Variants in RORA observed in about 807,000 individuals in gnomAD.
RORA encodes nuclear receptor ROR-alpha.
A neutral mutation model predicts 69.5 loss-of-function variants in RORA; 7 were observed. That is an observed-to-expected ratio of 0.10 (90% CI 0.06 to 0.19). RORA has a LOEUF of 0.19. Among genes scored for constraint, RORA ranks in the 10% least tolerant of loss-of-function variants. RORA has a pLI of 1.00. For missense variants in RORA, 457 were observed against 663.0 expected (o/e 0.69, Z 3.41); for synonymous variants, 261 against 240.8 (o/e 1.08, Z -0.78).
intron 1 of RORA, among the ~76,000 whole-genome samples, chr15:61,109,770 C>T (rs1471353398): frequency 1.3e-5 from 2 of 152,190 alleles, no homozygotes; most frequent in Non-Finnish European, 2.9e-5. Context: ...GTTACCTTGG[C>T]AAGTTATTTA....
intron 3 of RORA, chr15:60,528,166 C>G (rs1356856402): frequency 1.3e-5 from 2 of 152,362 alleles, no homozygotes; most frequent in African/African-American, 4.8e-5. Flanking sequence ...AGCAATCCTC[C>G]TGCTTCAGCC....
At chr15:60,929,285 C>G (rs1892306716) in intron 1 of RORA, among the ~76,000 whole-genome samples, 1 of 152,164 alleles carries the variant, frequency 6.6e-6, no homozygotes, top group African/African-American at 2.4e-5. Flanking sequence ...CCAGCCCTCC[C>G]TCCCCCTATC....
intron 1 of RORA, among the ~76,000 whole-genome samples, chr15:60,689,693 A>G (rs2070795439): frequency 6.6e-6 from 1 of 152,162 alleles, no homozygotes; most frequent in Non-Finnish European, 1.5e-5. Context: ...TTTAATTACT[A>G]CTATCTGTGT....
chr15:60,515,479 ATG>A (rs2065835377), intron 3 of RORA, among the ~76,000 whole-genome samples: 1 of 152,076 alleles, frequency 6.6e-6, no homozygotes, highest in African/African-American at 2.4e-5. Flanking sequence ...GGATACAAAG[ATG>A]TATAAGGAGC....
intron 1 of RORA, among the ~76,000 whole-genome samples, chr15:60,917,603 G>A (rs867124140): frequency 3.9e-5 from 6 of 152,202 alleles, no homozygotes; most frequent in African/African-American, 9.7e-5. Context: ...GTAGGGAAAC[G>A]TCGGCCGAGG....
Position 60,709,498 on chromosome 15 carries a change from G to C in RORA, c.167-30812C>G, listed in dbSNP as rs531987672. ...CTGTTAGGAACTGGACCGCACAGCA[G>C]GAGGTGAGCCGAGGGTGAACCAGCA... On this transcript the variant is annotated intron_variant, in intron 1 of 10. Coordinates refer to ENST00000335670, the MANE Select transcript of RORA (RefSeq NM_134261.3). Among the ~76,000 whole-genome samples the C allele has an allele frequency of 2.8e-4, 42 of 152,278 alleles. 1 individual carries two copies. The South Asian group carries it at 8.7e-3, about 32-fold the overall frequency.
intron 1 of RORA, among the ~76,000 whole-genome samples, chr15:61,045,956 C>A (rs1309591603): frequency 6.6e-6 from 1 of 152,174 alleles, no homozygotes; most frequent in Non-Finnish European, 1.5e-5. Context: ...CTGGCAGTCT[C>A]CCCCAGACAT....
intron 1 of RORA, among the ~76,000 whole-genome samples, chr15:61,032,733 T>A (rs545702724): frequency 6.6e-6 from 1 of 152,332 alleles, no homozygotes; most frequent in Non-Finnish European, 1.5e-5. Flanking sequence ...CAGCAAGAAT[T>A]ATCTTCATAC....
intron 2 of RORA, among the ~76,000 whole-genome samples, chr15:60,645,833 TC>T (rs2070032680): frequency 1.3e-5 from 2 of 151,914 alleles, no homozygotes; most frequent in Non-Finnish European, 2.9e-5. Flanking sequence ...GGGGCTGATT[TC>T]GTTATATGTT....
Position 60,655,216 on chromosome 15 carries a change from G to A in RORA, c.196+23441C>T, listed in dbSNP as rs76618753. On this transcript the variant is annotated intron_variant, in intron 2 of 10. Transcript: ENST00000335670. The stretch of plus-strand genomic sequence containing the variant: ...TTTTGAGACAGAGTCTCACTCTGTC[G>A]CCCTCATGGAAACTTTTCTGATTTA... Among the ~76,000 whole-genome samples the A allele has an allele frequency of 5.2e-3, 791 of 151,542 alleles. 9 individuals carry two copies. Among genetic ancestry groups the A allele is most frequent in the African/African-American group, 0.018 (746 of 41,314 alleles).
chr15:60,566,097 G>T (rs576171487), intron 2 of RORA, among the ~76,000 whole-genome samples: 2 of 152,304 alleles, frequency 1.3e-5, no homozygotes, highest in South Asian at 4.1e-4. Context: ...AGATTAATTG[G>T]TTAATGTCTA....
intron 1 of RORA, among the ~76,000 whole-genome samples, chr15:60,741,266 T>C (rs2071572012): frequency 6.6e-6 from 1 of 152,186 alleles, no homozygotes; most frequent in Non-Finnish European, 1.5e-5. Context: ...GAACAGTGGC[T>C]CTTGCTTAAT....
At chr15:60,684,340 T>A (rs2070705444) in intron 1 of RORA, among the ~76,000 whole-genome samples, 2 of 152,134 alleles carry the variant, frequency 1.3e-5, no homozygotes, top group African/African-American at 4.8e-5. Flanking sequence ...AACAGGCTGG[T>A]CATGGTGGCT....
intron 2 of RORA, chr15:60,558,400 A>C (rs2140413755): frequency 4.1e-4 from 302 of 731,312 alleles, no homozygotes; most frequent in Middle Eastern, 5.6e-4. Context: ...GGAACATCTC[A>C]TGACTTTTTT....
chr15:61,065,070 T>C (rs986991654), intron 1 of RORA, among the ~76,000 whole-genome samples: 14 of 152,156 alleles, frequency 9.2e-5, no homozygotes, highest in Non-Finnish European at 1.5e-4. Context: ...AAATTAACAA[T>C]AGTGTTATCA....
intron 1 of RORA, among the ~76,000 whole-genome samples, chr15:61,082,622 A>G (rs1487961233): frequency 6.6e-6 from 1 of 152,236 alleles, no homozygotes; most frequent in Non-Finnish European, 1.5e-5. Flanking sequence ...GTATGTGTGG[A>G]CAGGCAGTCG....
intron 1 of RORA, among the ~76,000 whole-genome samples, chr15:61,157,680 C>T (rs978334918): frequency 5.9e-5 from 9 of 152,184 alleles, no homozygotes; most frequent in African/African-American, 2.2e-4. Context: ...TGATTTTAAG[C>T]AGCTCTCTCC....
At chr15:61,020,221 T>C (rs926131739) in intron 1 of RORA, among the ~76,000 whole-genome samples, 3 of 152,182 alleles carry the variant, frequency 2.0e-5, no homozygotes, top group Admixed American at 6.5e-5. Flanking sequence ...CCACATTAAG[T>C]CAGCATCTCA....
intron 1 of RORA, among the ~76,000 whole-genome samples, chr15:60,757,795 C>T (rs185365031): frequency 2.6e-5 from 4 of 152,152 alleles, no homozygotes; most frequent in Non-Finnish European, 4.4e-5. Context: ...CTCTCCCGAC[C>T]CCCAAATGCT....
Sources: allele counts gnomAD v4.1 joint callset (sites outside exome capture counted in the v4.1 genomes callset), GRCh38; gene constraint gnomAD v4.1.1; transcripts MANE v1.5; gene names NCBI Gene and HGNC (gene_info 2026-07-23, HGNC 2026-07-21).